GRIK1: variants seen among roughly 807,000 people sequenced by gnomAD.
GRIK1 encodes glutamate receptor ionotropic, kainate 1.
GRIK1 carries 69 observed loss-of-function variants against 105.7 expected under a neutral mutation model. The ratio of observed to expected loss-of-function variants is 0.65; its 90% confidence interval spans 0.54 to 0.80. GRIK1 has a LOEUF of 0.80. Among genes scored for constraint, GRIK1 ranks in the 30% least tolerant of loss-of-function variants. The pLI is 0.00. For synonymous variants in GRIK1, 438 were observed against 431.3 expected (o/e 1.02, Z -0.19); for missense variants, 1,109 against 1,167.3 (o/e 0.95, Z 0.73).
intron 2 of GRIK1, among the ~76,000 whole-genome samples, chr21:29,691,397 A>G (rs544856626): frequency 6.6e-6 from 1 of 152,326 alleles, no homozygotes; most frequent in South Asian, 2.1e-4. Context: ...CACTTACCTT[A>G]GCTCTTATAT....
At chr21:29,756,888 C>T (rs756563144) in intron 1 of GRIK1, among the ~76,000 whole-genome samples, 8 of 152,032 alleles carry the variant, frequency 5.3e-5, no homozygotes, top group Admixed American at 5.2e-4. Flanking sequence ...CCGAGGTGGG[C>T]GGATCGTCTG....
chr21:29,846,334 G>T (rs578210129), intron 1 of GRIK1, among the ~76,000 whole-genome samples: 2 of 146,882 alleles, frequency 1.4e-5, no homozygotes, highest in East Asian at 4.0e-4. Context: ...GTTGCAGTGA[G>T]CCGAGATCAC....
chr21:29,745,603 T>G (rs115130829), intron 1 of GRIK1, among the ~76,000 whole-genome samples: 1 of 152,220 alleles, frequency 6.6e-6, no homozygotes, highest in African/African-American at 2.4e-5. Context: ...TGAATACTTA[T>G]GTCATGCTGC....
At chr21:29,916,379 C>A (rs1237644292) in intron 1 of GRIK1, among the ~76,000 whole-genome samples, 1 of 151,782 alleles carries the variant, frequency 6.6e-6, no homozygotes, top group African/African-American at 2.4e-5. Context: ...AGAGAATAAC[C>A]TGTTTCTGTA....
intron 1 of GRIK1, among the ~76,000 whole-genome samples, chr21:29,800,363 A>G (rs2066671690): frequency 6.6e-6 from 1 of 152,218 alleles, no homozygotes; most frequent in Non-Finnish European, 1.5e-5. Flanking sequence ...ATGCATTCTT[A>G]CAAACCCATA....
chr21:29,674,470 T>C (rs1209441802), intron 3 of GRIK1, among the ~76,000 whole-genome samples: 1 of 152,104 alleles, frequency 6.6e-6, no homozygotes, highest in African/African-American at 2.4e-5. Context: ...GTGCTCATTA[T>C]CTGATATGGC....
chr21:29,684,529 T>C (rs2063450058), intron 3 of GRIK1, among the ~76,000 whole-genome samples: 1 of 151,912 alleles, frequency 6.6e-6, no homozygotes, highest in Non-Finnish European at 1.5e-5. Context: ...TTTTTTGAGA[T>C]GGAGTCTTTG....
intron 1 of GRIK1, among the ~76,000 whole-genome samples, chr21:29,887,719 G>C (rs2069687483): frequency 6.6e-6 from 1 of 152,076 alleles, no homozygotes; most frequent in African/African-American, 2.4e-5. Context: ...TCCTCAGTGT[G>C]TTGGCATTTT....
chr21:29,747,359 A>T (rs2065071798), intron 1 of GRIK1, among the ~76,000 whole-genome samples: 1 of 152,238 alleles, frequency 6.6e-6, no homozygotes, highest in Non-Finnish European at 1.5e-5. Context: ...TAGCTCTTAC[A>T]CATCAGATTA....
At chr21:29,718,763 T>G (rs966868029) in intron 1 of GRIK1, among the ~76,000 whole-genome samples, 26 of 152,190 alleles carry the variant, frequency 1.7e-4, no homozygotes, top group Non-Finnish European at 2.9e-5. Context: ...TGTCAGAGTT[T>G]GCTTTGAGAA....
At chr21:29,760,919 C>T (rs1364605000) in intron 1 of GRIK1, among the ~76,000 whole-genome samples, 1 of 152,204 alleles carries the variant, frequency 6.6e-6, no homozygotes, top group Non-Finnish European at 1.5e-5. Flanking sequence ...ACTTTCCAGA[C>T]AGATTCCAAA....
At chr21:29,846,536 T>C (rs2146026489) in intron 1 of GRIK1, among the ~76,000 whole-genome samples, 1 of 152,022 alleles carries the variant, frequency 6.6e-6, no homozygotes, top group East Asian at 1.9e-4. Context: ...CTTCATGCAT[T>C]TGTCCCGTCA....
chr21:29,574,946 G>A (rs866896650), intron 14 of GRIK1, among the ~76,000 whole-genome samples: 2 of 151,696 alleles, frequency 1.3e-5, no homozygotes, highest in South Asian at 2.1e-4. Context: ...CGCCCGCCTC[G>A]GCCTCCCAAA....
chr21:29,639,158 CAG>C (rs2062458437), intron 7 of GRIK1, among the ~76,000 whole-genome samples: 2 of 152,342 alleles, frequency 1.3e-5, no homozygotes, highest in South Asian at 4.1e-4. Context: ...TTTATGAACA[CAG>C]TGTGTCCTGA....
At chr21:29,727,891 C>G (rs1013081562) in intron 1 of GRIK1, among the ~76,000 whole-genome samples, 3 of 152,098 alleles carry the variant, frequency 2.0e-5, no homozygotes, top group African/African-American at 7.2e-5. Context: ...TAAGCGGAGC[C>G]CCGGAAAAGC....
intron 1 of GRIK1, among the ~76,000 whole-genome samples, chr21:29,720,691 G>T (rs1195378568): frequency 1.3e-5 from 2 of 152,016 alleles, no homozygotes; most frequent in African/African-American, 4.8e-5. Context: ...ACTCAGCTTC[G>T]ATCACCTCCA....
At chr21:29,882,766 T>C (rs2069468970) in intron 1 of GRIK1, among the ~76,000 whole-genome samples, 2 of 152,010 alleles carry the variant, frequency 1.3e-5, no homozygotes, top group Non-Finnish European at 2.9e-5. Flanking sequence ...GCCTGGAAAG[T>C]TTGTTTCTAT....
At chr21:29,569,752 A>G (rs1298902786) in intron 14 of GRIK1, among the ~76,000 whole-genome samples, 2 of 152,214 alleles carry the variant, frequency 1.3e-5, no homozygotes, top group Non-Finnish European at 2.9e-5. Flanking sequence ...CTGTGAGACC[A>G]CAGTTTGGAC....
chr21:29,691,944 CT>C (rs2063591836), intron 2 of GRIK1, among the ~76,000 whole-genome samples: 1 of 152,092 alleles, frequency 6.6e-6, no homozygotes, highest in African/African-American at 2.4e-5. Context: ...GAAGTGTAAA[CT>C]GTCATTGTCT....
Sources: allele counts gnomAD v4.1 joint callset (sites outside exome capture counted in the v4.1 genomes callset), GRCh38; gene constraint gnomAD v4.1.1; transcripts MANE v1.5; gene names NCBI Gene and HGNC (gene_info 2026-07-23, HGNC 2026-07-21).